The following SRD5A2 variants were observed in gnomAD, a reference collection of about 807,000 sequenced individuals.
SRD5A2 encodes steroid 5 alpha-reductase 2, also known as 3-oxo-5-alpha-steroid 4-dehydrogenase 2.
A neutral mutation model predicts 27.4 loss-of-function variants in SRD5A2; 30 were observed. The ratio of observed to expected loss-of-function variants is 1.10; its 90% CI spans 0.82 to 1.49. The LOEUF is 1.49. SRD5A2 is among the 40% of genes most tolerant of loss of function. SRD5A2 has a pLI of 0.00. For missense variants in SRD5A2, 348 were observed against 323.4 expected (o/e 1.08, Z -0.58); for synonymous variants, 141 against 133.6 (o/e 1.06, Z -0.38).
At chr2:31,603,735 C>T in the SRD5A2 span, among the ~76,000 whole-genome samples, 88 of 151,996 alleles carry the variant, frequency 5.8e-4, no homozygotes, top group Admixed American at 2.2e-3. Flanking sequence ...GAGACCATGT[C>T]GCATGCAAGG....
intron 1 of SRD5A2, among the ~76,000 whole-genome samples, chr2:31,538,928 C>T (rs1302736443): frequency 6.6e-6 from 1 of 152,140 alleles, no homozygotes; most frequent in Non-Finnish European, 1.5e-5. Flanking sequence ...TTGAACAGTG[C>T]CTGGGACACA....
rs1572624571 is a variant in SRD5A2, at chr2:31,522,540, G to T, written c.*3656C>A. 5.1e-6 allele frequency: 1 copy of T among 197,764 alleles called. No homozygotes were observed. The highest frequency in any genetic ancestry group is 7.9e-5 in the East Asian group (1 of 12,692). The allele number at this position is 197,764 out of a possible 1,614,324, so 12.3% of individuals were successfully genotyped here. Reference sequence around the variant, plus strand: ...TTATTCATCCAAATCTCAAGCTAAGGTTGATGGGGAGAAATGAGGCACAAT... The same window carrying T: ...TTATTCATCCAAATCTCAAGCTAAGTTTGATGGGGAGAAATGAGGCACAAT... On this transcript the variant is annotated 3_prime_UTR_variant, in exon 5 of 5. Transcript: ENST00000622030.
At chr2:31,656,063 C>T in the SRD5A2 span, among the ~76,000 whole-genome samples, 1 of 152,132 alleles carries the variant, frequency 6.6e-6, no homozygotes, top group East Asian at 1.9e-4. Flanking sequence ...TATATCAGTT[C>T]TCTCTGTGAA....
At chr2:31,533,003 G>A (rs1665948103) in intron 2 of SRD5A2, among the ~76,000 whole-genome samples, 1 of 152,176 alleles carries the variant, frequency 6.6e-6, no homozygotes. Flanking sequence ...ATGCAGCCCA[G>A]GACAGTTTTG....
chr2:31,651,383 G>C, the SRD5A2 span: 1 of 226,920 alleles, frequency 4.4e-6, no homozygotes, highest in Non-Finnish European at 1.0e-5. Flanking sequence ...ACTAGAAGAA[G>C]AACAAAAGAG....
chr2:31,609,203 C>A, the SRD5A2 span, among the ~76,000 whole-genome samples: 1 of 151,974 alleles, frequency 6.6e-6, no homozygotes, highest in Non-Finnish European at 1.5e-5. Flanking sequence ...GCAGCCTGAG[C>A]AAACTAAGAT....
intron 1 of SRD5A2, among the ~76,000 whole-genome samples, chr2:31,535,150 C>A (rs1175186423): frequency 1.3e-5 from 2 of 151,644 alleles, no homozygotes; most frequent in Non-Finnish European, 2.9e-5. Flanking sequence ...GCCTCCCAAG[C>A]AGCTGGGACT....
the SRD5A2 span, among the ~76,000 whole-genome samples, chr2:31,634,942 A>T: frequency 1.4e-4 from 22 of 152,144 alleles, no homozygotes; most frequent in Non-Finnish European, 2.2e-4. Context: ...TCATTGATGG[A>T]CACTGCTTGA....
chr2:31,602,183 C>G, the SRD5A2 span, among the ~76,000 whole-genome samples: 1 of 152,056 alleles, frequency 6.6e-6, no homozygotes, highest in African/African-American at 2.4e-5. Flanking sequence ...AGCCCAAAAG[C>G]TTCTTAAGCT....
chr2:31,625,528 A>G, the SRD5A2 span, among the ~76,000 whole-genome samples: 1 of 152,126 alleles, frequency 6.6e-6, no homozygotes, highest in African/African-American at 2.4e-5. Flanking sequence ...ATCTTGAATT[A>G]ATTTTTGTAT....
intron 4 of SRD5A2, 121 bp from the exon 5 acceptor site, chr2:31,526,383 A>G (rs902571193): frequency 2.9e-6 from 2 of 679,182 alleles, no homozygotes; most frequent in Admixed American, 2.1e-5. Context: ...GACTATTTCG[A>G]TGGTCACTTA....
chr2:31,545,861 G>A (rs564107221), intron 1 of SRD5A2, among the ~76,000 whole-genome samples: 176 of 152,246 alleles, frequency 1.2e-3, no homozygotes, highest in African/African-American at 4.1e-3. Flanking sequence ...GACGAATTAA[G>A]CAAAGTAGCA....
chr2:31,635,888 T>C, the SRD5A2 span, among the ~76,000 whole-genome samples: 2 of 152,282 alleles, frequency 1.3e-5, no homozygotes, highest in East Asian at 3.9e-4. Flanking sequence ...CTGGATACTG[T>C]ATTCTGTTCC....
At chr2:31,623,625 C>G in the SRD5A2 span, among the ~76,000 whole-genome samples, 1 of 151,942 alleles carries the variant, frequency 6.6e-6, no homozygotes, top group Non-Finnish European at 1.5e-5. Context: ...TCAGGATTTT[C>G]TGGAGTCTCA....
chr2:31,588,179 G>C, the SRD5A2 span, among the ~76,000 whole-genome samples: 30 of 152,242 alleles, frequency 2.0e-4, no homozygotes, highest in African/African-American at 7.0e-4. Context: ...CATAGAGAAA[G>C]AGAGAGGGGT....
chr2:31,640,128 T>C, the SRD5A2 span, among the ~76,000 whole-genome samples: 2 of 152,064 alleles, frequency 1.3e-5, no homozygotes, highest in Admixed American at 6.5e-5. Flanking sequence ...CATTTTGCTA[T>C]TTAGAGCCTC....
At chr2:31,600,525 A>C in the SRD5A2 span, among the ~76,000 whole-genome samples, 44 of 151,962 alleles carry the variant, frequency 2.9e-4, no homozygotes, top group Admixed American at 2.9e-3. Context: ...TAGTCATAGC[A>C]ATTCTGACTG....
chr2:31,653,127 C>T, the SRD5A2 span, among the ~76,000 whole-genome samples: 1 of 152,156 alleles, frequency 6.6e-6, no homozygotes, highest in Non-Finnish European at 1.5e-5. Flanking sequence ...CACCCCCAGT[C>T]CCCTAGAGCC....
At chr2:31,549,728 C>A (rs554853651) in intron 1 of SRD5A2, among the ~76,000 whole-genome samples, 1 of 152,138 alleles carries the variant, frequency 6.6e-6, no homozygotes, top group African/African-American at 2.4e-5. Flanking sequence ...AACAAACTGG[C>A]AAATTATATG....
Sources: gnomAD v4.1 joint callset for allele counts (sites outside exome capture counted in the v4.1 genomes callset) on GRCh38, gnomAD v4.1.1 for gene constraint, MANE v1.5 for transcripts, NCBI Gene and HGNC (gene_info 2026-07-23, HGNC 2026-07-21) for gene names.